The following ADAMTSL3 variants were observed in gnomAD, a reference collection of about 807,000 sequenced individuals.
ADAMTSL3 encodes ADAMTS like 3.
ADAMTSL3 carries 128 observed loss-of-function variants against 201.7 expected under a neutral mutation model. The observed-to-expected ratio is 0.63, with a 90% CI of 0.55 to 0.73. The LOEUF is 0.73. Ranked by LOEUF, ADAMTSL3 falls within the 30% of genes least tolerant of loss-of-function variation. The probability of loss-of-function intolerance (pLI) is 0.00; values close to 1 mark genes in which losing one functional copy is unlikely to be tolerated. For missense variants in ADAMTSL3, 1,990 were observed against 2,119.6 expected (o/e 0.94, Z 1.20); for synonymous variants, 738 against 748.4 (o/e 0.99, Z 0.23).
At chr15:83,728,955 T>C (rs73454643) in intron 3 of ADAMTSL3, among the ~76,000 whole-genome samples, 1 of 152,108 alleles carries the variant, frequency 6.6e-6, no homozygotes. Context: ...ATGAAATCTC[T>C]CAGTTTTTGT....
intron 3 of ADAMTSL3, among the ~76,000 whole-genome samples, chr15:83,765,770 G>T (rs913751863): frequency 2.6e-4 from 40 of 152,162 alleles, no homozygotes; most frequent in African/African-American, 9.6e-4. Context: ...TTTCCTAAGA[G>T]ATCCTTAAGC....
chr15:83,830,903 C>T (rs1043973731), intron 6 of ADAMTSL3, among the ~76,000 whole-genome samples: 1 of 152,086 alleles, frequency 6.6e-6, no homozygotes, highest in Admixed American at 6.5e-5. Flanking sequence ...GACTTTAAAA[C>T]TTAAGCTTCA....
At chr15:83,962,779 C>G (rs181580401) in intron 19 of ADAMTSL3, among the ~76,000 whole-genome samples, 1 of 152,220 alleles carries the variant, frequency 6.6e-6, no homozygotes, top group East Asian at 1.9e-4. Flanking sequence ...GAGATCAACA[C>G]AGAAGGCAGG....
chr15:83,923,605 A>G (rs1490749443), intron 16 of ADAMTSL3, among the ~76,000 whole-genome samples: 3 of 152,222 alleles, frequency 2.0e-5, no homozygotes, highest in African/African-American at 7.2e-5. Flanking sequence ...TGGAATGCAG[A>G]TAAGTCCAAG....
intron 17 of ADAMTSL3, among the ~76,000 whole-genome samples, chr15:83,931,021 G>T (rs1184030942): frequency 1.3e-5 from 2 of 152,198 alleles, no homozygotes; most frequent in African/African-American, 4.8e-5. Context: ...CTCCAAGGTG[G>T]GGTGTTGGAT....
intron 3 of ADAMTSL3, among the ~76,000 whole-genome samples, chr15:83,706,389 CAT>C (rs1409894626): frequency 4.6e-5 from 7 of 152,128 alleles, no homozygotes; most frequent in Non-Finnish European, 1.0e-4. Context: ...CATCCTAGGA[CAT>C]AGTGTTCCAG....
Position 84,021,691 on chromosome 15 carries a change from T to G in ADAMTSL3, c.4457+98T>G. ...CATAATAATTCAATAGCTAAGTTTT[T>G]TTTATCACTTACTGTATACTAGGCA... On this transcript the variant is annotated intron_variant, in intron 26 of 29. Transcript: ENST00000286744. The G allele has an allele frequency of 2.3e-6, 3 of 1,319,086 alleles. No individual in the cohort carries two copies. In the South Asian group the frequency reaches 4.5e-5, roughly 20 times the overall value. The allele number at this position is 1,319,086 out of a possible 1,614,324, so 81.7% of individuals were successfully genotyped here.
intron 17 of ADAMTSL3, among the ~76,000 whole-genome samples, chr15:83,928,656 A>T (rs551465482): frequency 1.3e-5 from 2 of 152,336 alleles, no homozygotes; most frequent in East Asian, 3.9e-4. Flanking sequence ...GTGTCATCAT[A>T]TAATTTTTTC....
At chr15:83,930,917 C>T (rs2066342982) in intron 17 of ADAMTSL3, among the ~76,000 whole-genome samples, 1 of 152,182 alleles carries the variant, frequency 6.6e-6, no homozygotes, top group Admixed American at 6.5e-5. Flanking sequence ...TAAAATATTA[C>T]CCCAGGGTGA....
chr15:83,719,325 G>T (rs1200158859), intron 3 of ADAMTSL3, among the ~76,000 whole-genome samples: 2 of 152,060 alleles, frequency 1.3e-5, no homozygotes, highest in Non-Finnish European at 2.9e-5. Context: ...AAAAGAAAAA[G>T]AAAACTAGAT....
chr15:83,882,359 T>G (rs932119468), intron 9 of ADAMTSL3, among the ~76,000 whole-genome samples: 1 of 152,310 alleles, frequency 6.6e-6, no homozygotes, highest in Admixed American at 6.5e-5. Context: ...TCTCCTCCCC[T>G]ACACACACAT....
Position 83,913,359 on chromosome 15 carries a change from C to A in ADAMTSL3, c.1968C>A (p.Cys656Ter). 1 of 1,613,424 alleles carries A rather than the reference C, an allele frequency of 6.2e-7. No homozygotes were observed. Among genetic ancestry groups the A allele is most frequent in the Non-Finnish European group, 8.5e-7 (1 of 1,179,994 alleles). The part of the protein sequence containing the change: ...YDWEYAGFTP[C>*]TATCVGGHQE... ...GGGAGTACGCTGGGTTCACCCCTTG[C>A]ACAGCAACATGCGTGGGAGGTATTT... The change falls in exon 16 of 30, where the codon TGC (cysteine) becomes TGA (stop). Residue 656 changes from cysteine to a stop codon, truncating the protein, a stop_gained. Transcript: ENST00000286744. LOFTEE classifies it high-confidence loss of function.
chr15:83,694,118 A>T (rs2061648675), intron 2 of ADAMTSL3, among the ~76,000 whole-genome samples: 2 of 152,222 alleles, frequency 1.3e-5, no homozygotes, highest in African/African-American at 4.8e-5. Context: ...TTCTTCTTCA[A>T]CACGGAATTC....
chr15:83,971,960 A>G (rs1238732192), intron 20 of ADAMTSL3, among the ~76,000 whole-genome samples: 1 of 149,934 alleles, frequency 6.7e-6, no homozygotes, highest in African/African-American at 2.4e-5. Context: ...ACTTCAATTT[A>G]CCAACACCTT....
intron 15 of ADAMTSL3, among the ~76,000 whole-genome samples, chr15:83,911,505 A>G (rs973819379): frequency 2.6e-5 from 4 of 152,224 alleles, no homozygotes; most frequent in Admixed American, 2.6e-4. Context: ...CCATGAGAGT[A>G]GCAGAGAAAG....
chr15:83,744,896 C>T (rs910925628), intron 3 of ADAMTSL3, among the ~76,000 whole-genome samples: 2 of 152,134 alleles, frequency 1.3e-5, no homozygotes, highest in Admixed American at 6.5e-5. Flanking sequence ...GGACAGGAAG[C>T]AGGGAAACTC....
intron 17 of ADAMTSL3, among the ~76,000 whole-genome samples, chr15:83,938,207 A>G (rs2066494481): frequency 6.8e-6 from 1 of 147,946 alleles, no homozygotes; most frequent in Non-Finnish European, 1.5e-5. Flanking sequence ...TAAGATGGAA[A>G]TGATTTTGGT....
At chr15:83,756,605 C>T (rs938388881) in intron 3 of ADAMTSL3, among the ~76,000 whole-genome samples, 17 of 151,790 alleles carry the variant, frequency 1.1e-4, no homozygotes, top group African/African-American at 2.4e-4. Context: ...CCCTGCCCCC[C>T]CCCCAAATCT....
At position 83,867,883 on chromosome 15, in the gene ADAMTSL3, A is replaced by T. The variant is rs114949319; in HGVS notation, c.803-2919A>T. Among the ~76,000 whole-genome samples the T allele has an allele frequency of 7.1e-3, 1,082 of 152,332 alleles. 8 individuals carry two copies. Among genetic ancestry groups the T allele is most frequent in the African/African-American group, 0.025 (1,047 of 41,572 alleles). On this transcript the variant is annotated intron_variant, in intron 8 of 29. Transcript: ENST00000286744. Reference sequence around the variant, plus strand: ...TAGAAGCATTCATCATTTTCTAGGCATAATTTCTTTTACAAATAACTAGTA... The same window carrying T: ...TAGAAGCATTCATCATTTTCTAGGCTTAATTTCTTTTACAAATAACTAGTA...
Sources: allele counts gnomAD v4.1 joint callset (sites outside exome capture counted in the v4.1 genomes callset), GRCh38; gene constraint gnomAD v4.1.1; transcripts MANE v1.5; gene names NCBI Gene and HGNC (gene_info 2026-07-23, HGNC 2026-07-21).